INVS: variants seen among roughly 807,000 people sequenced by gnomAD.
INVS encodes the protein inversion of embryo turning homolog.
Under a neutral mutation model 108.8 loss-of-function variants are expected in INVS, and 86 were observed. That is an observed-to-expected ratio of 0.79 (90% CI 0.66 to 0.95). INVS has a LOEUF of 0.95. INVS is among the 40% of genes least tolerant of loss of function. The probability of loss-of-function intolerance (pLI) is 0.00; values close to 1 mark genes in which losing one functional copy is unlikely to be tolerated. For missense variants in INVS, 1,169 were observed against 1,297.4 expected, an observed-to-expected ratio of 0.90 and a Z score of 1.52; for synonymous variants, 455 against 473.5, an observed-to-expected ratio of 0.96 and a Z score of 0.51.
At chr9:100,183,720 G>A (rs577930862) in intron 3 of INVS, among the ~76,000 whole-genome samples, 159 of 149,844 alleles carry the variant, frequency 1.1e-3, no homozygotes, top group African/African-American at 3.7e-3. Context: ...GAGTCCAGGA[G>A]GCAGAGGTTG....
At chr9:100,147,110 T>C (rs993855696) in intron 3 of INVS, among the ~76,000 whole-genome samples, 7 of 152,254 alleles carry the variant, frequency 4.6e-5, no homozygotes, top group African/African-American at 1.7e-4. Flanking sequence ...TCTAATCACA[T>C]GTTAATTCAA....
intron 12 of INVS, among the ~76,000 whole-genome samples, chr9:100,273,564 A>G (rs1385056313): frequency 5.7e-5 from 6 of 105,966 alleles, no homozygotes; most frequent in African/African-American, 7.6e-5. Context: ...TCTGAGATGG[A>G]GTCTCACTTG....
chr9:100,265,165 G>A lies in INVS; in HGVS notation c.1571+237G>A, dbSNP rs75959792. On this transcript the variant is annotated intron_variant, in intron 11 of 16. Coordinates refer to ENST00000262457, the MANE Select transcript of INVS (RefSeq NM_014425.5). ...TCACCATGTTAGCTAGGGAGGTCTC[G>A]AACTCCTCACCTTGTGATCCACCCA... Among the ~76,000 whole-genome samples the A allele has an allele frequency of 0.042, 6,435 of 151,964 alleles. 195 individuals carry two copies. The highest frequency in any genetic ancestry group is 0.063 in the Non-Finnish European group (4,275 of 67,928).
At chr9:100,259,262 C>T (rs1294953155) in intron 10 of INVS, among the ~76,000 whole-genome samples, 17 of 152,152 alleles carry the variant, frequency 1.1e-4, no homozygotes, top group Admixed American at 1.1e-3. Flanking sequence ...CTGCTAAAAC[C>T]ATTGGAAAAA....
intron 3 of INVS, among the ~76,000 whole-genome samples, chr9:100,198,264 A>AT (rs66710233): frequency 1.5e-5 from 1 of 65,284 alleles, no homozygotes; most frequent in Non-Finnish European, 2.8e-5. Context: ...GAGGGCTAGA[A>AT]TTTTTTTTTT....
intron 3 of INVS, among the ~76,000 whole-genome samples, chr9:100,216,878 CAG>C (rs909486162): frequency 1.6e-4 from 24 of 152,320 alleles, no homozygotes; most frequent in Non-Finnish European, 5.9e-5. Flanking sequence ...GACTCATTAA[CAG>C]AGAGAATACT....
intron 3 of INVS, among the ~76,000 whole-genome samples, chr9:100,192,868 C>T (rs1830262178): frequency 6.6e-6 from 1 of 151,926 alleles, no homozygotes; most frequent in Non-Finnish European, 1.5e-5. Flanking sequence ...GTTGTGTGCT[C>T]AAGTCCTTTA....
chr9:100,285,845 A>G (rs1232101585), intron 13 of INVS, among the ~76,000 whole-genome samples: 2 of 152,220 alleles, frequency 1.3e-5, no homozygotes, highest in Non-Finnish European at 2.9e-5. Flanking sequence ...GGTGTGCAGC[A>G]CGAACCCTAT....
intron 3 of INVS, among the ~76,000 whole-genome samples, chr9:100,192,948 T>G (rs1352442746): frequency 2.0e-5 from 3 of 151,956 alleles, no homozygotes; most frequent in Admixed American, 2.0e-4. Flanking sequence ...TAAATAAGAT[T>G]TCAGATTAGA....
chr9:100,281,523 C>G (rs1023259270), intron 12 of INVS, among the ~76,000 whole-genome samples: 1 of 152,118 alleles, frequency 6.6e-6, no homozygotes, highest in Non-Finnish European at 1.5e-5. Flanking sequence ...CGTTTTTTCT[C>G]AGTGATCACT....
intron 3 of INVS, among the ~76,000 whole-genome samples, chr9:100,160,062 T>G (rs1292993103): frequency 6.6e-6 from 1 of 152,202 alleles, no homozygotes; most frequent in African/African-American, 2.4e-5. Flanking sequence ...GGCTTTGCTC[T>G]GATGTATCTT....
At chr9:100,105,824 TA>T (rs1827157071) in intron 2 of INVS, among the ~76,000 whole-genome samples, 1 of 149,502 alleles carries the variant, frequency 6.7e-6, no homozygotes. Context: ...TGTCTGTTAT[TA>T]AAATCCTTCT....
At chr9:100,223,944 G>T (rs1831225024) in intron 3 of INVS, among the ~76,000 whole-genome samples, 1 of 152,116 alleles carries the variant, frequency 6.6e-6, no homozygotes, top group Admixed American at 6.6e-5. Context: ...TTACAGCAGG[G>T]ATGTCCAATC....
chr9:100,301,800 T>A lies in INVS; in HGVS notation c.*1126T>A, dbSNP rs559657283. 6.6e-6 allele frequency among the ~76,000 whole-genome samples: 1 copy of A among 152,342 alleles called. No individual in the cohort carries two copies. The highest frequency in any genetic ancestry group is 2.1e-4 in the South Asian group (1 of 4,824). On this transcript the variant is annotated 3_prime_UTR_variant, in exon 17 of 17. Transcript: ENST00000262457. ...GTGTTCACTTAATTACCTTGGTTTT[T>A]AGTTTACTAATTATTACATTCATCG... is the stretch of plus-strand genomic sequence containing the variant.
chr9:100,299,010 G>A (rs1293717921), intron 16 of INVS, among the ~76,000 whole-genome samples: 1 of 152,128 alleles, frequency 6.6e-6, no homozygotes, highest in Non-Finnish European at 1.5e-5. Context: ...TAGATAACTG[G>A]ATCATTTTTC....
At chr9:100,140,083 T>C (rs1828373741) in intron 3 of INVS, among the ~76,000 whole-genome samples, 1 of 152,206 alleles carries the variant, frequency 6.6e-6, no homozygotes, top group Non-Finnish European at 1.5e-5. Context: ...TTGTCTCCAT[T>C]GCCCTCTCTC....
chr9:100,132,765 C>T (rs1260732343), intron 3 of INVS, among the ~76,000 whole-genome samples: 1 of 130,630 alleles, frequency 7.7e-6, no homozygotes, highest in Admixed American at 8.4e-5. Flanking sequence ...TTTGCCTTTG[C>T]ATATGCCTGG....
intron 3 of INVS, among the ~76,000 whole-genome samples, chr9:100,146,767 C>G (rs1019607527): frequency 2.6e-5 from 4 of 152,168 alleles, no homozygotes; most frequent in South Asian, 2.1e-4. Flanking sequence ...GAATAAGCTT[C>G]TAGTTGACAA....
chr9:100,147,571 C>A (rs1183620733), intron 3 of INVS, among the ~76,000 whole-genome samples: 1 of 152,140 alleles, frequency 6.6e-6, no homozygotes, highest in African/African-American at 2.4e-5. Flanking sequence ...TGCATATACC[C>A]TTTGACCAGG....
Sources: allele counts gnomAD v4.1 joint callset (sites outside exome capture counted in the v4.1 genomes callset), GRCh38; gene constraint gnomAD v4.1.1; transcripts MANE v1.5; gene names NCBI Gene and HGNC (gene_info 2026-07-23, HGNC 2026-07-21).